The following CADM1 variants were observed in gnomAD, a reference collection of about 807,000 sequenced individuals.
CADM1 encodes TSLC-1.
CADM1 carries 15 observed loss-of-function variants against 53.1 expected under a neutral mutation model. The observed-to-expected ratio is 0.28, with a 90% confidence interval of 0.19 to 0.44. The LOEUF is 0.44. Ranked by LOEUF, CADM1 falls within the 20% of genes least tolerant of loss-of-function variation. The pLI is 1.00. For missense variants in CADM1, 434 were observed against 611.3 expected, an observed-to-expected ratio of 0.71 and a Z score of 3.06; for synonymous variants, 281 against 243.0, an observed-to-expected ratio of 1.16 and a Z score of -1.45.
chr11:115,278,727 C>T (rs1943510641), intron 1 of CADM1, among the ~76,000 whole-genome samples: 1 of 152,146 alleles, frequency 6.6e-6, no homozygotes, highest in South Asian at 2.1e-4. Context: ...AGTAAAAAGA[C>T]TAGCGAAGAG....
intron 1 of CADM1, among the ~76,000 whole-genome samples, chr11:115,458,926 C>A (rs1003778981): frequency 2.9e-4 from 44 of 152,056 alleles, no homozygotes; most frequent in Non-Finnish European, 4.4e-4. Context: ...AGTAGATACC[C>A]CTTTTCACTT....
chr11:115,423,030 G>GTTT (rs34396473), intron 1 of CADM1, among the ~76,000 whole-genome samples: 1 of 142,058 alleles, frequency 7.0e-6, no homozygotes. Context: ...GCTACGGTCT[G>GTTT]TTTTTTTTTT....
chr11:115,356,536 G>C (rs551183648), intron 1 of CADM1, among the ~76,000 whole-genome samples: 1 of 152,032 alleles, frequency 6.6e-6, no homozygotes, highest in Admixed American at 6.6e-5. Flanking sequence ...AATAAATAGG[G>C]GAATGTCAGT....
At position 115,172,899 on chromosome 11, in the gene CADM1, T is replaced by A. The variant is rs1293362311; in HGVS notation, c.*3575A>T. On this transcript the variant is annotated 3_prime_UTR_variant, in exon 12 of 12. Coordinates refer to ENST00000331581, the MANE Select transcript of CADM1 (RefSeq NM_001301043.2). ...GGCCAAGGGAGAAAAGGGGAACTCA[T>A]CAACCACAGCTGAGGGGATGGTGGG... 6.6e-6 allele frequency: 1 copy of A among 152,136 alleles called. No individual in the cohort carries two copies. Among genetic ancestry groups the A allele is most frequent in the Non-Finnish European group, 1.5e-5 (1 of 68,044 alleles). 9.4% of individuals were successfully genotyped at this position (152,136 alleles called of 1,614,324 possible).
At chr11:115,335,618 G>A (rs982109250) in intron 1 of CADM1, among the ~76,000 whole-genome samples, 12 of 152,098 alleles carry the variant, frequency 7.9e-5, no homozygotes, top group African/African-American at 2.7e-4. Context: ...CTCATACTCT[G>A]TCACATTAAA....
intron 1 of CADM1, among the ~76,000 whole-genome samples, chr11:115,472,433 A>C (rs115315168): frequency 2.4e-3 from 358 of 152,162 alleles, no homozygotes; most frequent in African/African-American, 8.5e-3. Flanking sequence ...CCCTCAAAAA[A>C]CATATATATG....
At chr11:115,485,854 T>C (rs1949361884) in intron 1 of CADM1, among the ~76,000 whole-genome samples, 1 of 152,244 alleles carries the variant, frequency 6.6e-6, no homozygotes, top group African/African-American at 2.4e-5. Flanking sequence ...TCAACCTTTC[T>C]ACTAAACTCT....
chr11:115,289,326 C>T (rs973585425), intron 1 of CADM1, among the ~76,000 whole-genome samples: 9 of 151,882 alleles, frequency 5.9e-5, no homozygotes, highest in African/African-American at 1.9e-4. Context: ...GATTGCACCA[C>T]TGCACTCCAG....
chr11:115,175,667 T>C lies in CADM1; in HGVS notation c.*807A>G. 1.0e-6 allele frequency: 1 copy of C among 986,436 alleles called. No homozygotes were observed. Among genetic ancestry groups the C allele is most frequent in the Non-Finnish European group, 1.2e-6 (1 of 830,528 alleles). 61.1% of individuals were successfully genotyped at this position (986,436 alleles called of 1,614,324 possible). ...CCAAACCTTTCTGGACAGCGTAGGGTATCTATACTGAGCCGTCTACAGATA... is the reference window on the plus strand; with the variant it reads ...CCAAACCTTTCTGGACAGCGTAGGGCATCTATACTGAGCCGTCTACAGATA... On this transcript the variant is annotated 3_prime_UTR_variant, in exon 12 of 12. Transcript: ENST00000331581.
At chr11:115,362,604 A>G (rs965070950) in intron 1 of CADM1, among the ~76,000 whole-genome samples, 1 of 152,238 alleles carries the variant, frequency 6.6e-6, no homozygotes, top group African/African-American at 2.4e-5. Context: ...ACAGATTATT[A>G]GAGAGGTTTT....
intron 1 of CADM1, among the ~76,000 whole-genome samples, chr11:115,380,754 T>C (rs1371703420): frequency 6.6e-6 from 1 of 152,108 alleles, no homozygotes; most frequent in African/African-American, 2.4e-5. Flanking sequence ...ATCATACGTG[T>C]ATGCTGAAAA....
At chr11:115,395,960 ACATT>A (rs1946984370) in intron 1 of CADM1, among the ~76,000 whole-genome samples, 1 of 152,324 alleles carries the variant, frequency 6.6e-6, no homozygotes, top group African/African-American at 2.4e-5. Flanking sequence ...TTGGTTCATG[ACATT>A]CAAAGAGTTC....
rs146303116 is a variant in CADM1, at chr11:115,227,941, G to C, written c.721+1172C>G. 6.6e-3 allele frequency among the ~76,000 whole-genome samples: 1,011 copies of C among 152,194 alleles called. 8 individuals are homozygous for C. The highest frequency in any genetic ancestry group is 9.9e-3 in the Non-Finnish European group (673 of 67,996). On this transcript the variant is annotated intron_variant, in intron 5 of 11. Coordinates refer to ENST00000331581, the MANE Select transcript of CADM1 (RefSeq NM_001301043.2). ...GAATCTGTGACTGTAGCTGAATTTG[G>C]AAAAAAAGTCTTTACAGATGAAATC...
chr11:115,246,006 G>T (rs187445470), intron 1 of CADM1, among the ~76,000 whole-genome samples: 21 of 152,276 alleles, frequency 1.4e-4, no homozygotes, highest in African/African-American at 4.8e-4. Context: ...TTTGATGAAA[G>T]AATTTAGTTC....
intron 10 of CADM1, among the ~76,000 whole-genome samples, chr11:115,185,720 C>G (rs1393973736): frequency 6.6e-6 from 1 of 152,190 alleles, no homozygotes; most frequent in Non-Finnish European, 1.5e-5. Flanking sequence ...GAAATGTGAT[C>G]ATCTTTTCCA....
At chr11:115,286,518 C>T (rs1265851260) in intron 1 of CADM1, among the ~76,000 whole-genome samples, 1 of 152,098 alleles carries the variant, frequency 6.6e-6, no homozygotes, top group Non-Finnish European at 1.5e-5. Flanking sequence ...AATAATGAAA[C>T]AAAAATTCTC....
intron 1 of CADM1, among the ~76,000 whole-genome samples, chr11:115,458,552 G>A (rs1948728785): frequency 6.7e-6 from 1 of 150,348 alleles, no homozygotes; most frequent in African/African-American, 2.4e-5. Context: ...CCTGCCCCTA[G>A]TCCATGCAAG....
At chr11:115,332,303 A>G (rs1945152396) in intron 1 of CADM1, among the ~76,000 whole-genome samples, 1 of 152,208 alleles carries the variant, frequency 6.6e-6, no homozygotes, top group Admixed American at 6.5e-5. Flanking sequence ...TTAGAAGGCT[A>G]TTTCAAAGAG....
intron 1 of CADM1, among the ~76,000 whole-genome samples, chr11:115,477,160 GGGAAA>G (rs1949153244): frequency 1.3e-5 from 2 of 151,242 alleles, no homozygotes; most frequent in African/African-American, 4.9e-5. Context: ...TGATAGGAAA[GGGAAA>G]GGAAAGGAAA....
Sources: allele counts gnomAD v4.1 joint callset (sites outside exome capture counted in the v4.1 genomes callset), GRCh38; gene constraint gnomAD v4.1.1; transcripts MANE v1.5; gene names NCBI Gene and HGNC (gene_info 2026-07-23, HGNC 2026-07-21).